Variants in FOCAD observed in about 807,000 individuals in gnomAD.
FOCAD encodes focadhesin.
A neutral mutation model predicts 225.6 loss-of-function variants in FOCAD; 198 were observed. The ratio of observed to expected loss-of-function variants is 0.88; its 90% CI spans 0.78 to 0.99. The LOEUF (loss-of-function observed/expected upper bound fraction) is 0.99. Ranked by LOEUF, FOCAD falls within the 50% of genes least tolerant of loss-of-function variation. FOCAD has a pLI of 0.00. For missense variants in FOCAD, 2,713 were observed against 2,123.6 expected, an observed-to-expected ratio of 1.28 and a Z score of -5.46; for synonymous variants, 897 against 755.0, an observed-to-expected ratio of 1.19 and a Z score of -3.08.
In FOCAD at chr9:20,862,700, A is replaced by G; in HGVS notation, c.2043A>G (p.Thr681=). 6.2e-7 allele frequency: 1 copy of G among 1,612,474 alleles called. No individual in the cohort carries two copies. The change falls in exon 16 of 44, where the codon ACA becomes ACG. Residue 681 remains threonine (T), a synonymous_variant. Transcript: ENST00000338382. The part of the protein sequence containing the change: ...FSLVPSLTVN[T]TEYENFKVQV... Reference sequence around the variant, plus strand: ...TAGTTCCTTCCTTAACGGTCAATACAACTGAATATGAGGTATGCATTTGGA... The same window carrying G: ...TAGTTCCTTCCTTAACGGTCAATACGACTGAATATGAGGTATGCATTTGGA...
At chr9:20,964,542 C>A (rs1839075075) in intron 35 of FOCAD, among the ~76,000 whole-genome samples, 1 of 151,848 alleles carries the variant, frequency 6.6e-6, no homozygotes, top group Non-Finnish European at 1.5e-5. Context: ...TGAGCATCAA[C>A]ATTTTTTTTT....
chr9:20,924,239 ACTTT>A (rs1428338451), intron 25 of FOCAD, among the ~76,000 whole-genome samples: 1 of 152,186 alleles, frequency 6.6e-6, no homozygotes, highest in African/African-American at 2.4e-5. Context: ...TTTCTAATGT[ACTTT>A]CTTGGATAAT....
chr9:20,915,711 T>C (rs1270673655), intron 23 of FOCAD, among the ~76,000 whole-genome samples: 1 of 152,102 alleles, frequency 6.6e-6, no homozygotes, highest in Non-Finnish European at 1.5e-5. Context: ...TTTCTTCTTT[T>C]AGAGGGTAGA....
intron 15 of FOCAD, among the ~76,000 whole-genome samples, chr9:20,839,259 C>CT (rs71496859): frequency 0.29 from 38,295 of 132,698 alleles, 5,861 homozygotes; most frequent in South Asian, 0.34. Flanking sequence ...TTCTTTCTTT[C>CT]TTTTTTTTTT....
intron 15 of FOCAD, among the ~76,000 whole-genome samples, chr9:20,847,211 C>A (rs1195491518): frequency 6.6e-6 from 1 of 152,080 alleles, no homozygotes; most frequent in African/African-American, 2.4e-5. Context: ...TCCTTAGCTA[C>A]TGCCTTCCCA....
chr9:20,960,200 G>A (rs1194446425), intron 35 of FOCAD, among the ~76,000 whole-genome samples: 2 of 152,190 alleles, frequency 1.3e-5, no homozygotes, highest in East Asian at 3.8e-4. Flanking sequence ...AAGCCAGTTA[G>A]TTTATACAAT....
At chr9:20,893,039 G>C (rs1831759474) in intron 21 of FOCAD, among the ~76,000 whole-genome samples, 1 of 151,930 alleles carries the variant, frequency 6.6e-6, no homozygotes, top group African/African-American at 2.4e-5. Context: ...TTTAGTGATA[G>C]GACCTCACTA....
chr9:20,777,342 A>G (rs1186969987), intron 8 of FOCAD, among the ~76,000 whole-genome samples: 3 of 107,258 alleles, frequency 2.8e-5, no homozygotes, highest in African/African-American at 1.1e-4. Context: ...TTTATTGTTC[A>G]TAGGTACTTC....
chr9:20,867,790 G>A (rs1176450011), intron 18 of FOCAD, among the ~76,000 whole-genome samples: 1 of 152,040 alleles, frequency 6.6e-6, no homozygotes, highest in African/African-American at 2.4e-5. Flanking sequence ...CTCAGAATCT[G>A]TCTTTGAAGT....
intron 4 of FOCAD, among the ~76,000 whole-genome samples, chr9:20,723,111 A>G (rs1825914997): frequency 6.6e-6 from 1 of 152,236 alleles, no homozygotes; most frequent in African/African-American, 2.4e-5. Flanking sequence ...ATTGCAAAGT[A>G]TAAGCTTTGC....
upstream of FOCAD, among the ~76,000 whole-genome samples, chr9:20,682,229 A>C (rs1255046065): frequency 1.3e-5 from 2 of 152,244 alleles, no homozygotes; most frequent in Non-Finnish European, 2.9e-5. Context: ...TAAATTACCC[A>C]GTCTAAGATA....
intron 20 of FOCAD, among the ~76,000 whole-genome samples, chr9:20,883,106 CT>C (rs1467206375): frequency 1.3e-5 from 2 of 152,134 alleles, no homozygotes; most frequent in African/African-American, 4.8e-5. Context: ...CCATTTAGTA[CT>C]TCTGTGGTTC....
rs377158467 is a variant in FOCAD at position 20,965,860 on chromosome 9, G to C, written c.4133-10560G>C. On this transcript the variant is annotated intron_variant, in intron 35 of 43. Coordinates refer to ENST00000338382, the MANE Select transcript of FOCAD (RefSeq NM_001375567.1). ...TTCATTCGCATTGTAGCAAGTATCA[G>C]TACTTCATTCATTTTTATTGCTGAA... Among the ~76,000 whole-genome samples the C allele has an allele frequency of 9.2e-5, 14 of 152,236 alleles. 1 individual carries two copies. In the South Asian group the frequency reaches 2.7e-3, roughly 29 times the overall value.
rs796695365 is a variant in FOCAD, at chr9:20,708,453, T to C, written c.-32-6869T>C. ...TTTATCAGTGTGCTGATGATACTGC[T>C]CCTGTAAACTAGCTTTAAGAATGTA... On this transcript the variant is annotated intron_variant, in intron 1 of 43. Transcript: ENST00000338382. Among the ~76,000 whole-genome samples, 69 of 152,268 alleles carry C rather than the reference T, an allele frequency of 4.5e-4. 1 individual carries two copies. Among genetic ancestry groups the C allele is most frequent in the African/African-American group, 1.6e-3 (65 of 41,558 alleles).
intron 21 of FOCAD, among the ~76,000 whole-genome samples, chr9:20,891,121 G>A (rs566638830): frequency 5.2e-4 from 79 of 152,214 alleles, no homozygotes; most frequent in African/African-American, 1.8e-3. Flanking sequence ...AGTTACGATT[G>A]TAATTGTTTT....
chr9:20,742,052 TAATC>T (rs1199977281), intron 5 of FOCAD, among the ~76,000 whole-genome samples: 1 of 152,202 alleles, frequency 6.6e-6, no homozygotes, highest in East Asian at 1.9e-4. Context: ...ACCATCACCA[TAATC>T]AATTTTAGAA....
At position 20,912,935 on chromosome 9, in the gene FOCAD, A is replaced by G. The variant is rs1433456399; in HGVS notation, c.2788A>G (p.Lys930Glu). ...AGAACCTGAGGAGGTGCAGTACAAAAAAAGCACAGCCTGGCTCTGGTAAGT... is the reference window on the plus strand; with the variant it reads ...AGAACCTGAGGAGGTGCAGTACAAAGAAAGCACAGCCTGGCTCTGGTAAGT... ...KEEPEEVQYKKSTAWLWVRDM... is the reference protein window; with the variant it reads ...KEEPEEVQYKESTAWLWVRDM... Residue 930 changes from lysine to glutamate, a missense_variant, in exon 23 of 44, where the codon AAA becomes GAA. Transcript: ENST00000338382. 2 of 1,613,020 alleles carry G rather than the reference A, an allele frequency of 1.2e-6. No homozygotes were observed. Among genetic ancestry groups the G allele is most frequent in the East Asian group, 2.2e-5 (1 of 44,838 alleles).
intron 2 of FOCAD, among the ~76,000 whole-genome samples, chr9:20,674,253 A>T (rs569830114): frequency 6.6e-6 from 1 of 152,266 alleles, no homozygotes; most frequent in South Asian, 2.1e-4. Flanking sequence ...TTTTATTATT[A>T]TTTATGCTAT....
At chr9:20,673,387 G>A (rs1279680004) in intron 2 of FOCAD, among the ~76,000 whole-genome samples, 1 of 151,984 alleles carries the variant, frequency 6.6e-6, no homozygotes. Flanking sequence ...CATTTCCATC[G>A]ACAATGTGTA....
Sources: allele counts gnomAD v4.1 joint callset (sites outside exome capture counted in the v4.1 genomes callset), GRCh38; gene constraint gnomAD v4.1.1; transcripts MANE v1.5; gene names NCBI Gene and HGNC (gene_info 2026-07-23, HGNC 2026-07-21).